The following ZDHHC7 variants were observed in gnomAD, a reference collection of about 807,000 sequenced individuals.
ZDHHC7 encodes palmitoyltransferase ZDHHC7.
ZDHHC7 carries 12 observed loss-of-function variants against 34.1 expected under a neutral mutation model. That is an observed-to-expected ratio of 0.35 (90% CI 0.23 to 0.57). The LOEUF is 0.57. Among genes scored for constraint, ZDHHC7 ranks in the 20% least tolerant of loss-of-function variants. The pLI, the probability that ZDHHC7 is intolerant of heterozygous loss-of-function variation, is 0.84. For synonymous variants in ZDHHC7, 185 were observed against 155.4 expected (o/e 1.19, Z -1.42); for missense variants, 388 against 402.7 (o/e 0.96, Z 0.31).
chr16:84,977,914 G>C lies in ZDHHC7; in HGVS notation c.619+10C>G, dbSNP rs777146751. ...CAAAGCCAGGAATGACACATAGCCA[G>C]GGAACTTACCAGTCCACTGCCCTCG... On this transcript the variant is annotated intron_variant, in intron 6 of 7. Transcript: ENST00000313732. The C allele has an allele frequency of 6.2e-7, 1 of 1,610,078 alleles. No homozygotes were observed. Among genetic ancestry groups the C allele is most frequent in the East Asian group, 2.2e-5 (1 of 44,804 alleles).
upstream of ZDHHC7, among the ~76,000 whole-genome samples, chr16:85,012,402 C>CT (rs967155496): frequency 8.8e-5 from 13 of 147,698 alleles, no homozygotes; most frequent in Admixed American, 2.7e-4. Flanking sequence ...AAAAGCATAT[C>CT]TTTTTTTTAA....
intron 2 of ZDHHC7, among the ~76,000 whole-genome samples, chr16:84,993,234 T>C (rs1036898105): frequency 1.3e-5 from 2 of 151,958 alleles, no homozygotes; most frequent in Non-Finnish European, 2.9e-5. Flanking sequence ...GGGGGGAAGA[T>C]TGCTTGAGCC....
At chr16:84,995,574 C>A (rs1409127366) in intron 2 of ZDHHC7, among the ~76,000 whole-genome samples, 2 of 152,018 alleles carry the variant, frequency 1.3e-5, no homozygotes, top group Non-Finnish European at 2.9e-5. Flanking sequence ...CGCAGAGAGC[C>A]AAGATCACGC....
At position 84,988,139 on chromosome 16, in the gene ZDHHC7, C is replaced by A. The variant is rs1240755861; in HGVS notation, c.315+2165G>T. Among the ~76,000 whole-genome samples the A allele has an allele frequency of 8.5e-5, 13 of 152,096 alleles. No individual in the cohort carries two copies. The East Asian group carries it at 2.5e-3, about 29-fold the overall frequency. ...TAAGCCAAGATCGCGCCACTGCACT[C>A]CAGCCTGGGCGACAGAGTGAGACTC... On this transcript the variant is annotated intron_variant, in intron 3 of 7. Coordinates refer to ENST00000313732, the MANE Select transcript of ZDHHC7 (RefSeq NM_017740.3).
chr16:84,992,397 C>CG (rs58431291), intron 2 of ZDHHC7, among the ~76,000 whole-genome samples: 24,814 of 151,668 alleles, frequency 0.16, 2,443 homozygotes, highest in Admixed American at 0.28. Context: ...TGCTTGAACC[C>CG]GGGGGGTGGA....
intron 1 of ZDHHC7, among the ~76,000 whole-genome samples, chr16:84,998,178 G>A (rs12927887): frequency 0.06 from 9,089 of 150,982 alleles, 303 homozygotes; most frequent in Middle Eastern, 0.083. Context: ...ACAGGAGAAC[G>A]GCGCGAACCC....
At chr16:85,023,206 G>A in the ZDHHC7 span, among the ~76,000 whole-genome samples, 6 of 142,688 alleles carry the variant, frequency 4.2e-5, no homozygotes, top group Non-Finnish European at 7.5e-5. Flanking sequence ...TCGCTCTGTC[G>A]CCCAGGCTGG....
chr16:84,977,040 A>G, intron 7 of ZDHHC7, 55 bp downstream of exon 7: 1 of 1,602,976 alleles, frequency 6.2e-7, no homozygotes, highest in Non-Finnish European at 8.5e-7. Context: ...AGGACTTTTC[A>G]TTTACTCAAG....
intron 1 of ZDHHC7, among the ~76,000 whole-genome samples, chr16:85,001,956 A>G (rs1222447397): frequency 2.0e-5 from 3 of 152,148 alleles, no homozygotes; most frequent in Non-Finnish European, 4.4e-5. Context: ...AGCTTGGAGC[A>G]TCTTGTATTG....
chr16:84,986,307 C>G (rs2143608889), intron 3 of ZDHHC7, among the ~76,000 whole-genome samples: 1 of 152,376 alleles, frequency 6.6e-6, no homozygotes, highest in Middle Eastern at 3.4e-3. Flanking sequence ...AAATCCCAGC[C>G]TGGCCTCTTA....
intron 1 of ZDHHC7, among the ~76,000 whole-genome samples, chr16:85,007,996 T>A (rs2143753919): frequency 6.6e-6 from 1 of 152,046 alleles, no homozygotes; most frequent in Admixed American, 6.5e-5. Flanking sequence ...ACACCTGTGG[T>A]CCCTGTTAAC....
the ZDHHC7 span, among the ~76,000 whole-genome samples, chr16:85,016,754 C>A: frequency 6.6e-6 from 1 of 152,066 alleles, no homozygotes; most frequent in African/African-American, 2.4e-5. Flanking sequence ...GCCACCACAC[C>A]TGTCTCGTTA....
At chr16:85,010,370 C>G (rs1316474052) in intron 1 of ZDHHC7, among the ~76,000 whole-genome samples, 1 of 152,164 alleles carries the variant, frequency 6.6e-6, no homozygotes, top group East Asian at 1.9e-4. Flanking sequence ...GGTATGTAAA[C>G]ACTGTAAAAC....
At chr16:85,023,616 G>A in the ZDHHC7 span, among the ~76,000 whole-genome samples, 1 of 151,792 alleles carries the variant, frequency 6.6e-6, no homozygotes, top group Non-Finnish European at 1.5e-5. Context: ...TCTATTCAAA[G>A]TATTTCTTTG....
upstream of ZDHHC7, among the ~76,000 whole-genome samples, chr16:85,012,117 C>T (rs2143776110): frequency 6.6e-6 from 1 of 152,300 alleles, no homozygotes; most frequent in South Asian, 2.1e-4. Flanking sequence ...CGCGGTGGCT[C>T]ACGCCTGTAA....
chr16:84,998,849 G>A (rs2072618799), intron 1 of ZDHHC7, among the ~76,000 whole-genome samples: 1 of 151,396 alleles, frequency 6.6e-6, no homozygotes, highest in East Asian at 1.9e-4. Context: ...CGCCTCTGGG[G>A]TTCAAGCAAT....
At chr16:84,991,483 T>G (rs1008776364) in intron 2 of ZDHHC7, among the ~76,000 whole-genome samples, 12 of 152,102 alleles carry the variant, frequency 7.9e-5, no homozygotes, top group African/African-American at 2.9e-4. Flanking sequence ...AGATGGAGTT[T>G]CACCATGTTG....
intron 5 of ZDHHC7, 113 bp from the exon 6 acceptor site, chr16:84,978,118 A>C (rs1011223135): frequency 1.4e-6 from 1 of 700,436 alleles, no homozygotes. Flanking sequence ...GCTCACTGCA[A>C]CCTCCGCCTG....
intron 1 of ZDHHC7, among the ~76,000 whole-genome samples, chr16:85,008,875 G>A (rs2072752468): frequency 6.6e-6 from 1 of 151,538 alleles, no homozygotes; most frequent in African/African-American, 2.4e-5. Context: ...GAGAAATCCT[G>A]TCTCTACTAA....
Sources: allele counts gnomAD v4.1 joint callset (sites outside exome capture counted in the v4.1 genomes callset), GRCh38; gene constraint gnomAD v4.1.1; transcripts MANE v1.5; gene names NCBI Gene and HGNC (gene_info 2026-07-23, HGNC 2026-07-21).